Variants in GSKIP observed in about 807,000 individuals in gnomAD.
The protein encoded by GSKIP is GSK3B interacting protein.
A neutral mutation model predicts 11.9 loss-of-function variants in GSKIP; 5 were observed. That is an observed-to-expected ratio of 0.42 (90% CI 0.22 to 0.89). GSKIP has a LOEUF of 0.89. Among genes scored for constraint, GSKIP ranks in the 40% least tolerant of loss-of-function variants. GSKIP has a pLI of 0.29. For missense variants in GSKIP, 150 were observed against 166.6 expected, an observed-to-expected ratio of 0.90 and a Z score of 0.55; for synonymous variants, 70 against 62.9, an observed-to-expected ratio of 1.11 and a Z score of -0.54.
intron 1 of GSKIP, among the ~76,000 whole-genome samples, chr14:96,367,337 C>T (rs1888914961): frequency 2.0e-5 from 3 of 152,182 alleles, no homozygotes; most frequent in Admixed American, 1.3e-4. Context: ...CCCAGTCAGT[C>T]TGCTTGAGAG....
At chr14:96,373,715 A>T (rs1256839809) in intron 1 of GSKIP, among the ~76,000 whole-genome samples, 1 of 152,188 alleles carries the variant, frequency 6.6e-6, no homozygotes, top group Non-Finnish European at 1.5e-5. Flanking sequence ...CATTGGGTAG[A>T]GTACTCAGAA....
intron 2 of GSKIP, among the ~76,000 whole-genome samples, chr14:96,380,619 G>C (rs1452282658): frequency 6.6e-6 from 1 of 152,156 alleles, no homozygotes; most frequent in African/African-American, 2.4e-5. Flanking sequence ...CACAAATAGG[G>C]CATAACTTGG....
intron 1 of GSKIP, among the ~76,000 whole-genome samples, chr14:96,371,092 A>T (rs1470471153): frequency 6.6e-6 from 1 of 152,256 alleles, no homozygotes; most frequent in Non-Finnish European, 1.5e-5. Flanking sequence ...TTGAAAACAG[A>T]TTAAATGTTA....
In GSKIP at chr14:96,385,884, T is replaced by C; in HGVS notation, c.*200T>C. The C allele has an allele frequency of 2.0e-6, 1 of 508,352 alleles. No homozygotes were observed. Among genetic ancestry groups the C allele is most frequent in the Non-Finnish European group, 3.5e-6 (1 of 284,736 alleles). The allele number at this position is 508,352 out of a possible 1,614,324, so 31.5% of individuals were successfully genotyped here. ...TTTCAGTAAGGGAATTCTGAGGCCG[T>C]TGCTATGATACCATCATTAAGACAT... On this transcript the variant is annotated 3_prime_UTR_variant, in exon 4 of 4. Coordinates refer to ENST00000555181, the MANE Select transcript of GSKIP (RefSeq NM_016472.5).
At chr14:96,367,863 T>C (rs1888935427) in intron 1 of GSKIP, among the ~76,000 whole-genome samples, 1 of 152,198 alleles carries the variant, frequency 6.6e-6, no homozygotes, top group African/African-American at 2.4e-5. Flanking sequence ...TAATAGCAAT[T>C]GTCAAGTATT....
chr14:96,376,705 G>A (rs538088225), intron 1 of GSKIP, among the ~76,000 whole-genome samples: 1 of 152,172 alleles, frequency 6.6e-6, no homozygotes, highest in Non-Finnish European at 1.5e-5. Flanking sequence ...TGATGTGTGT[G>A]TATGGCATTA....
In GSKIP at chr14:96,365,824, ACT is replaced by A. The variant is rs1328424240; in HGVS notation, c.-103+2259_-103+2260del. On this transcript the variant is annotated intron_variant, in intron 1 of 3. Transcript: ENST00000555181. ...ACTCCAGCCTGGGCAACAGAGTGAG[ACT>A]CTATCTTAAAAAAATAAAAAGAACT... 4.6e-5 allele frequency among the ~76,000 whole-genome samples: 7 copies of A among 151,886 alleles called. 1 individual carries two copies. The highest frequency in any genetic ancestry group is 8.8e-5 in the Non-Finnish European group (6 of 67,868).
At chr14:96,369,586 C>T (rs1177145075) in intron 1 of GSKIP, among the ~76,000 whole-genome samples, 1 of 152,184 alleles carries the variant, frequency 6.6e-6, no homozygotes, top group Non-Finnish European at 1.5e-5. Context: ...AGCTCCAGTT[C>T]TGTTTCAAAG....
At position 96,384,275 on chromosome 14, in the gene GSKIP, CA is replaced by C. The variant is rs542860623; in HGVS notation, c.259-1247del. Among the ~76,000 whole-genome samples the C allele has an allele frequency of 5.7e-4, 87 of 152,042 alleles. 2 individuals are homozygous for C. The highest frequency in any genetic ancestry group is 1.7e-3 in the African/African-American group (72 of 41,466). ...GTCCACCAGGAAGATCACAGTCTAG[CA>C]GAGATAAGAGGAAGAAGGCAAACTG... On this transcript the variant is annotated intron_variant, in intron 3 of 3. Coordinates refer to ENST00000555181, the MANE Select transcript of GSKIP (RefSeq NM_016472.5).
At chr14:96,371,447 T>C (rs1014773050) in intron 1 of GSKIP, among the ~76,000 whole-genome samples, 3 of 147,258 alleles carry the variant, frequency 2.0e-5, no homozygotes, top group African/African-American at 7.5e-5. Context: ...ACAATCTTTT[T>C]TTTTTTTTTT....
In GSKIP at chr14:96,370,196, G is replaced by A. The variant is rs1478629175; in HGVS notation, c.-103+6628G>A. ...TGACTTTTCCGTCATTGTGTATCTTGGAAGTAAATAACTTGGTTTTTTACT... is the reference window on the plus strand; with the variant it reads ...TGACTTTTCCGTCATTGTGTATCTTAGAAGTAAATAACTTGGTTTTTTACT... On this transcript the variant is annotated intron_variant, in intron 1 of 3. Coordinates refer to ENST00000555181, the MANE Select transcript of GSKIP (RefSeq NM_016472.5). Among the ~76,000 whole-genome samples the A allele has an allele frequency of 2.0e-5, 3 of 152,088 alleles. No individual in the cohort carries two copies. The East Asian group carries it at 5.8e-4, about 29-fold the overall frequency.
intron 3 of GSKIP, among the ~76,000 whole-genome samples, chr14:96,383,772 A>G (rs1486009316): frequency 2.0e-5 from 3 of 152,260 alleles, no homozygotes; most frequent in Middle Eastern, 3.2e-3. Flanking sequence ...CTTTAAGCAT[A>G]GTACCTGAAT....
intron 1 of GSKIP, among the ~76,000 whole-genome samples, chr14:96,375,810 G>A (rs1377619521): frequency 1.3e-5 from 2 of 152,232 alleles, no homozygotes; most frequent in East Asian, 3.9e-4. Context: ...CTTCTTGGCG[G>A]TGGGGACTCT....
rs1417145047 is a variant in GSKIP, at chr14:96,385,824, G to A, written c.*140G>A. On this transcript the variant is annotated 3_prime_UTR_variant, in exon 4 of 4. Coordinates refer to ENST00000555181, the MANE Select transcript of GSKIP (RefSeq NM_016472.5). Reference sequence around the variant, plus strand: ...GCTTCCAACTTAGGCTTTTGGCTCAGAAGATTATTGAATAATGATTTGTCT... The same window carrying A: ...GCTTCCAACTTAGGCTTTTGGCTCAAAAGATTATTGAATAATGATTTGTCT... 1 of 607,340 alleles carries A rather than the reference G, an allele frequency of 1.6e-6. No homozygotes were observed. Among genetic ancestry groups the A allele is most frequent in the African/African-American group, 1.9e-5 (1 of 53,326 alleles). The allele number at this position is 607,340 out of a possible 1,614,324, so 37.6% of individuals were successfully genotyped here.
chr14:96,387,069 T>A lies in GSKIP; in HGVS notation c.*1385T>A, dbSNP rs996560674. The A allele has an allele frequency of 3.3e-5, 5 of 152,366 alleles. No individual in the cohort carries two copies. Among genetic ancestry groups the A allele is most frequent in the African/African-American group, 9.6e-5 (4 of 41,586 alleles). The allele number at this position is 152,366 out of a possible 1,614,324, so 9.4% of individuals were successfully genotyped here. A position where few individuals can be genotyped will look rare whatever the true frequency, so the allele number is the denominator to read the frequency against. On this transcript the variant is annotated 3_prime_UTR_variant, in exon 4 of 4. Transcript: ENST00000555181. Reference sequence around the variant, plus strand: ...GACTTCATTGGAATGCTTTGTTTGATGATGTATGTTCATTCTCAGCTTTAT... The same window carrying A: ...GACTTCATTGGAATGCTTTGTTTGAAGATGTATGTTCATTCTCAGCTTTAT...
At chr14:96,363,969 G>T (rs1251241253) in intron 1 of GSKIP, 2 of 152,350 alleles carry the variant, frequency 1.3e-5, no homozygotes, top group African/African-American at 4.8e-5. Flanking sequence ...TTGCCTGGCG[G>T]TTTGCAGAGC....
chr14:96,366,425 G>A (rs952206836), intron 1 of GSKIP, among the ~76,000 whole-genome samples: 1 of 152,182 alleles, frequency 6.6e-6, no homozygotes, highest in Non-Finnish European at 1.5e-5. Flanking sequence ...TAAACTTTAT[G>A]CTTTCTAGGA....
intron 3 of GSKIP, among the ~76,000 whole-genome samples, chr14:96,385,285 G>T (rs187015757): frequency 1.3e-3 from 200 of 152,276 alleles, no homozygotes; most frequent in Non-Finnish European, 1.2e-3. Context: ...GAGCATTTTA[G>T]TGGTGTTTCT....
intron 1 of GSKIP, among the ~76,000 whole-genome samples, chr14:96,370,759 C>T (rs575483423): frequency 1.7e-3 from 257 of 152,274 alleles, no homozygotes; most frequent in Non-Finnish European, 2.5e-3. Flanking sequence ...TTGCAAATGC[C>T]GGCACTGTGC....
Sources: allele counts gnomAD v4.1 joint callset (sites outside exome capture counted in the v4.1 genomes callset), GRCh38; gene constraint gnomAD v4.1.1; transcripts MANE v1.5; gene names NCBI Gene and HGNC (gene_info 2026-07-23, HGNC 2026-07-21).